Variants in NAALADL2 observed in about 807,000 individuals in gnomAD.
NAALADL2 encodes the protein inactive N-acetylated-alpha-linked acidic dipeptidase-like protein 2.
A neutral mutation model predicts 87.2 loss-of-function variants in NAALADL2; 76 were observed. The observed-to-expected ratio is 0.87, with a 90% CI of 0.72 to 1.05. NAALADL2 has a LOEUF of 1.05. Ranked by LOEUF, NAALADL2 falls within the 50% of genes least tolerant of loss-of-function variation. The pLI is 0.00. For missense variants in NAALADL2, 1,089 were observed against 945.8 expected (o/e 1.15, Z -1.99); for synonymous variants, 354 against 331.0 (o/e 1.07, Z -0.75).
rs188034493 is a variant in NAALADL2, at chr3:175,664,682, A to T, written c.1896+37296A>T. Reference sequence around the variant, plus strand: ...AAAGTTAATTTGAATGAATGTTGAAAATATATTGAATTTAAATTATTATAA... The same window carrying T: ...AAAGTTAATTTGAATGAATGTTGAATATATATTGAATTTAAATTATTATAA... On this transcript the variant is annotated intron_variant, in intron 11 of 13. Transcript: ENST00000454872. Among the ~76,000 whole-genome samples the T allele has an allele frequency of 3.3e-3, 506 of 152,242 alleles. 4 individuals are homozygous for T. The highest frequency in any genetic ancestry group is 0.011 in the African/African-American group (475 of 41,558).
intron 2 of NAALADL2, among the ~76,000 whole-genome samples, chr3:174,716,401 G>A (rs1055694519): frequency 6.7e-5 from 10 of 149,902 alleles, no homozygotes; most frequent in African/African-American, 2.5e-4. Flanking sequence ...TAAATAAGGA[G>A]GCCTGTATAC....
intron 1 of NAALADL2, among the ~76,000 whole-genome samples, chr3:174,877,487 C>T (rs958104853): frequency 5.3e-5 from 8 of 152,106 alleles, no homozygotes; most frequent in Non-Finnish European, 8.8e-5. Flanking sequence ...TCTCACATCT[C>T]TGCCATACCC....
At chr3:174,717,487 T>G (rs1045416382) in intron 2 of NAALADL2, among the ~76,000 whole-genome samples, 24 of 152,188 alleles carry the variant, frequency 1.6e-4, no homozygotes. Flanking sequence ...CCAATCTTAA[T>G]TAGAAGAAGA....
intron 1 of NAALADL2, among the ~76,000 whole-genome samples, chr3:175,011,618 C>T (rs1000030402): frequency 6.6e-6 from 1 of 152,126 alleles, no homozygotes; most frequent in African/African-American, 2.4e-5. Flanking sequence ...CACTGAAACA[C>T]CTCAGTATCC....
At chr3:174,954,328 T>C (rs1425764074) in intron 1 of NAALADL2, among the ~76,000 whole-genome samples, 1 of 152,126 alleles carries the variant, frequency 6.6e-6, no homozygotes, top group Non-Finnish European at 1.5e-5. Context: ...TGTAGCTCCA[T>C]TAAAGGTTAA....
intron 4 of NAALADL2, among the ~76,000 whole-genome samples, chr3:175,304,383 C>T (rs766932284): frequency 2.6e-5 from 4 of 152,114 alleles, no homozygotes; most frequent in Non-Finnish European, 5.9e-5. Context: ...GTATGTATGT[C>T]CACATGCTTA....
In NAALADL2 at chr3:174,564,306, C is replaced by T. The variant is rs569030937; in HGVS notation, c.-115+13669C>T. On this transcript the variant is annotated intron_variant, in intron 2 of 3. Coordinates refer to the NAALADL2 transcript ENST00000434257. ...TTTACATCCTTTGGGAAAAAACATG[C>T]GGCTGGCAAGGTCACAGAGTAATCA... is the stretch of plus-strand genomic sequence containing the variant. 8.6e-4 allele frequency among the ~76,000 whole-genome samples: 130 copies of T among 152,028 alleles called. 1 individual carries two copies. The highest frequency in any genetic ancestry group is 6.8e-3 in the Middle Eastern group (2 of 292).
chr3:175,225,582 A>G (rs1744036193), intron 2 of NAALADL2, among the ~76,000 whole-genome samples: 2 of 152,124 alleles, frequency 1.3e-5, no homozygotes, highest in Admixed American at 1.3e-4. Flanking sequence ...GGTAAAGTAA[A>G]TATGCTTATT....
chr3:175,118,214 A>ATGTGC (rs1725583751), intron 2 of NAALADL2, among the ~76,000 whole-genome samples: 4 of 151,864 alleles, frequency 2.6e-5, no homozygotes, highest in Non-Finnish European at 5.9e-5. Context: ...CATATGTAAC[A>ATGTGC]AACCTGCACG....
intron 9 of NAALADL2, among the ~76,000 whole-genome samples, chr3:175,571,045 G>A (rs904899491): frequency 4.6e-5 from 7 of 152,164 alleles, no homozygotes; most frequent in African/African-American, 1.4e-4. Flanking sequence ...AGAATGTGGG[G>A]AAATAAAACA....
At chr3:174,613,074 C>G (rs1720091570) in intron 2 of NAALADL2, among the ~76,000 whole-genome samples, 1 of 152,186 alleles carries the variant, frequency 6.6e-6, no homozygotes, top group South Asian at 2.1e-4. Context: ...TGGACAAGAT[C>G]CAGAAGAATT....
intron 3 of NAALADL2, among the ~76,000 whole-genome samples, chr3:174,795,993 C>G (rs990449751): frequency 6.6e-6 from 1 of 152,166 alleles, no homozygotes; most frequent in Non-Finnish European, 1.5e-5. Context: ...CCAAGCACAT[C>G]TCTGAATGTG....
chr3:175,714,197 G>T (rs185027501), intron 11 of NAALADL2, among the ~76,000 whole-genome samples: 3 of 152,244 alleles, frequency 2.0e-5, no homozygotes, highest in African/African-American at 7.2e-5. Flanking sequence ...ACATACGTGT[G>T]CATGTGTCTT....
At chr3:175,150,717 C>T (rs1731423079) in intron 2 of NAALADL2, among the ~76,000 whole-genome samples, 1 of 152,182 alleles carries the variant, frequency 6.6e-6, no homozygotes, top group Non-Finnish European at 1.5e-5. Context: ...TACCTCCCTT[C>T]TGCTGCTCAC....
intron 9 of NAALADL2, among the ~76,000 whole-genome samples, chr3:175,509,946 A>G (rs1730905285): frequency 6.6e-6 from 1 of 151,966 alleles, no homozygotes; most frequent in South Asian, 2.1e-4. Flanking sequence ...GGTGTGCTGC[A>G]CCCATTAACT....
At chr3:174,481,496 A>G (rs1717547479) in intron 1 of NAALADL2, among the ~76,000 whole-genome samples, 1 of 152,038 alleles carries the variant, frequency 6.6e-6, no homozygotes, top group South Asian at 2.1e-4. Context: ...GTTTAGAGGC[A>G]ACAGATTCAA....
chr3:174,873,343 C>T (rs947380809), intron 1 of NAALADL2, among the ~76,000 whole-genome samples: 1 of 151,994 alleles, frequency 6.6e-6, no homozygotes, highest in Non-Finnish European at 1.5e-5. Flanking sequence ...CAACCTCCGC[C>T]TCCCGGGTTC....
intron 10 of NAALADL2, among the ~76,000 whole-genome samples, chr3:175,586,168 C>A (rs556107139): frequency 6.6e-6 from 1 of 152,038 alleles, no homozygotes; most frequent in African/African-American, 2.4e-5. Context: ...TTATTTACAT[C>A]GGGAATGGCA....
At chr3:175,764,387 T>C (rs1299748417) in intron 13 of NAALADL2, among the ~76,000 whole-genome samples, 1 of 151,596 alleles carries the variant, frequency 6.6e-6, no homozygotes, top group Non-Finnish European at 1.5e-5. Flanking sequence ...TATATGTATG[T>C]GTATATACAT....
Sources: allele counts gnomAD v4.1 joint callset (sites outside exome capture counted in the v4.1 genomes callset), GRCh38; gene constraint gnomAD v4.1.1; transcripts MANE v1.5; gene names NCBI Gene and HGNC (gene_info 2026-07-23, HGNC 2026-07-21).